NFIB: variants seen among roughly 807,000 people sequenced by gnomAD.
The protein encoded by NFIB is nuclear factor I B.
In NFIB, 11 loss-of-function variants were observed where a neutral mutation model predicts 61.5. That is an observed-to-expected ratio of 0.18 (90% CI 0.11 to 0.30). The LOEUF is 0.30. NFIB is among the 10% of genes least tolerant of loss of function. The probability of loss-of-function intolerance (pLI) is 1.00; values close to 1 mark genes in which losing one functional copy is unlikely to be tolerated. For missense variants in NFIB, 471 were observed against 608.9 expected, an observed-to-expected ratio of 0.77 and a Z score of 2.38; for synonymous variants, 260 against 216.5, an observed-to-expected ratio of 1.20 and a Z score of -1.76.
intron 2 of NFIB, among the ~76,000 whole-genome samples, chr9:14,203,970 A>G (rs1184822901): frequency 1.3e-5 from 2 of 152,206 alleles, no homozygotes; most frequent in African/African-American, 4.8e-5. Flanking sequence ...AATTCTGACC[A>G]TATTAAAACA....
In NFIB at chr9:14,257,817, G is replaced by A. The variant is rs532115232; in HGVS notation, c.562+49172C>T. Among the ~76,000 whole-genome samples the A allele has an allele frequency of 4.6e-5, 7 of 152,260 alleles. No homozygotes were observed. The South Asian group carries it at 8.3e-4, about 18-fold the overall frequency. ...TAAGACTAAGACCAATAATGTGCCA[G>A]CTATGGTTTCCTTGTCATTGAATTT... On this transcript the variant is annotated intron_variant, in intron 2 of 10. Coordinates refer to ENST00000380953, the MANE Select transcript of NFIB (RefSeq NM_001190737.2).
the NFIB span, among the ~76,000 whole-genome samples, chr9:14,471,438 T>C: frequency 1.3e-5 from 2 of 152,208 alleles, no homozygotes; most frequent in Admixed American, 6.5e-5. Context: ...GTTGCCATCA[T>C]ATGGGCCAAA....
chr9:14,386,612 G>A (rs1052283122), intron 1 of NFIB, among the ~76,000 whole-genome samples: 2 of 46,950 alleles, frequency 4.3e-5, no homozygotes, highest in African/African-American at 1.6e-4. Context: ...CCTCTTAGGG[G>A]ACAAAATCAA....
At chr9:14,189,093 C>A (rs943182277) in intron 2 of NFIB, among the ~76,000 whole-genome samples, 2 of 152,174 alleles carry the variant, frequency 1.3e-5, no homozygotes, top group African/African-American at 4.8e-5. Context: ...TACTACCTAG[C>A]ACCATGACTT....
chr9:14,328,995 G>A (rs1483521894), intron 1 of NFIB, among the ~76,000 whole-genome samples: 6 of 152,174 alleles, frequency 3.9e-5, no homozygotes, highest in Admixed American at 6.5e-5. Flanking sequence ...CACATAACAC[G>A]AAGAGTTTGG....
At chr9:14,341,420 T>C (rs914835253) in intron 1 of NFIB, among the ~76,000 whole-genome samples, 10 of 152,170 alleles carry the variant, frequency 6.6e-5, no homozygotes, top group African/African-American at 1.4e-4. Context: ...GGGAGAAAGA[T>C]GAAACAGGTT....
the NFIB span, among the ~76,000 whole-genome samples, chr9:14,415,292 G>T: frequency 3.2e-4 from 49 of 152,322 alleles, no homozygotes; most frequent in Middle Eastern, 3.4e-3. Context: ...ACTTCATCAA[G>T]CCAGCAAGGA....
intron 2 of NFIB, among the ~76,000 whole-genome samples, chr9:14,281,863 AAATT>A (rs947993440): frequency 2.4e-4 from 37 of 152,174 alleles, no homozygotes; most frequent in Admixed American, 2.4e-3. Flanking sequence ...TTTTTTAGGG[AAATT>A]AATTCAGTGA....
At chr9:14,329,466 C>G (rs2060794853) in intron 1 of NFIB, among the ~76,000 whole-genome samples, 1 of 152,102 alleles carries the variant, frequency 6.6e-6, no homozygotes, top group Admixed American at 6.5e-5. Flanking sequence ...CCTGACCCCC[C>G]TGCAAATCCT....
At chr9:14,382,391 C>G (rs2061499334) in intron 1 of NFIB, among the ~76,000 whole-genome samples, 1 of 151,700 alleles carries the variant, frequency 6.6e-6, no homozygotes, top group Non-Finnish European at 1.5e-5. Context: ...AGGAGTCTGT[C>G]CATTTGTGGT....
chr9:14,217,015 T>C (rs957219057), intron 2 of NFIB, among the ~76,000 whole-genome samples: 3 of 152,244 alleles, frequency 2.0e-5, no homozygotes, highest in Non-Finnish European at 2.9e-5. Flanking sequence ...CAGTGTCTAC[T>C]AGGAAGGACT....
At chr9:14,176,501 G>A (rs757744809) in intron 3 of NFIB, among the ~76,000 whole-genome samples, 3 of 152,030 alleles carry the variant, frequency 2.0e-5, no homozygotes, top group African/African-American at 4.8e-5. Flanking sequence ...GTCACAAATC[G>A]TTTAAAGAAA....
intron 2 of NFIB, among the ~76,000 whole-genome samples, chr9:14,239,654 T>C (rs930804604): frequency 6.6e-6 from 1 of 152,192 alleles, no homozygotes; most frequent in African/African-American, 2.4e-5. Flanking sequence ...CCAAATTATT[T>C]TATAATGATA....
At chr9:14,149,811 T>C (rs762593576) in intron 5 of NFIB, among the ~76,000 whole-genome samples, 1 of 152,146 alleles carries the variant, frequency 6.6e-6, no homozygotes, top group Non-Finnish European at 1.5e-5. Flanking sequence ...AAACCAGAGA[T>C]CATTGCCACA....
chr9:14,452,016 G>A, the NFIB span, among the ~76,000 whole-genome samples: 8 of 152,150 alleles, frequency 5.3e-5, no homozygotes, highest in African/African-American at 1.4e-4. Context: ...AAGTTAATCC[G>A]GGATGTCTGC....
chr9:14,147,736 G>A (rs1475742152), intron 5 of NFIB, among the ~76,000 whole-genome samples: 9 of 143,592 alleles, frequency 6.3e-5, no homozygotes, highest in Admixed American at 2.2e-4. Context: ...CCACCTCCCA[G>A]GCTCAAACAA....
chr9:14,108,372 T>C (rs1720583396), intron 10 of NFIB, among the ~76,000 whole-genome samples: 1 of 152,014 alleles, frequency 6.6e-6, no homozygotes, highest in African/African-American at 2.4e-5. Context: ...CCAGGACAAA[T>C]ATTATAAGAA....
intron 1 of NFIB, among the ~76,000 whole-genome samples, chr9:14,310,214 A>G (rs1017515616): frequency 1.4e-4 from 21 of 152,204 alleles, no homozygotes; most frequent in African/African-American, 4.6e-4. Flanking sequence ...CGTTCCTTTG[A>G]CTTTGCTGTC....
the NFIB span, among the ~76,000 whole-genome samples, chr9:14,475,442 A>G: frequency 5.3e-4 from 80 of 152,328 alleles, no homozygotes; most frequent in Non-Finnish European, 9.7e-4. Flanking sequence ...TGGACGGTAC[A>G]GTTCAGGAAG....
Sources: allele counts gnomAD v4.1 joint callset (sites outside exome capture counted in the v4.1 genomes callset), GRCh38; gene constraint gnomAD v4.1.1; transcripts MANE v1.5; gene names NCBI Gene and HGNC (gene_info 2026-07-23, HGNC 2026-07-21).